The following KDM4C variants were observed in gnomAD, a reference collection of about 807,000 sequenced individuals.
The protein encoded by KDM4C is lysine-specific demethylase 4C.
Under a neutral mutation model 129.3 loss-of-function variants are expected in KDM4C, and 81 were observed. The observed-to-expected ratio is 0.63, with a 90% CI of 0.52 to 0.75. The LOEUF (loss-of-function observed/expected upper bound fraction) is 0.75, where lower values mean the gene tolerates loss of function less well. Among genes scored for constraint, KDM4C ranks in the 30% least tolerant of loss-of-function variants. KDM4C has a pLI of 0.00. For synonymous variants in KDM4C, 573 were observed against 456.1 expected, an observed-to-expected ratio of 1.26 and a Z score of -3.26; for missense variants, 1,457 against 1,304.0, an observed-to-expected ratio of 1.12 and a Z score of -1.81.
At chr9:6,873,694 C>A (rs921423966) in intron 5 of KDM4C, among the ~76,000 whole-genome samples, 1 of 152,198 alleles carries the variant, frequency 6.6e-6, no homozygotes, top group Non-Finnish European at 1.5e-5. Context: ...TGCCAACATT[C>A]TCCATATCAG....
intron 5 of KDM4C, among the ~76,000 whole-genome samples, chr9:6,869,801 G>A (rs1413140701): frequency 3.9e-5 from 6 of 152,228 alleles, no homozygotes; most frequent in African/African-American, 1.2e-4. Context: ...CAGCCTGCCT[G>A]CAGCATCCCC....
intron 8 of KDM4C, among the ~76,000 whole-genome samples, chr9:6,930,133 TC>T (rs1823396594): frequency 3.3e-5 from 5 of 152,204 alleles, no homozygotes; most frequent in Admixed American, 3.3e-4. Context: ...CGCCTAAGAT[TC>T]CCTGCAGAAA....
At chr9:6,949,400 G>A (rs943836540) in intron 8 of KDM4C, among the ~76,000 whole-genome samples, 2 of 152,136 alleles carry the variant, frequency 1.3e-5, no homozygotes, top group Admixed American at 1.3e-4. Context: ...CAGACGATGA[G>A]TGGCCAGGCA....
chr9:6,783,556 A>G (rs1490473828), intron 1 of KDM4C, among the ~76,000 whole-genome samples: 1 of 152,096 alleles, frequency 6.6e-6, no homozygotes, highest in East Asian at 1.9e-4. Context: ...GTTTGGTGGA[A>G]AGGGAAGATA....
chr9:6,887,948 G>A lies in KDM4C; in HGVS notation c.680-12G>A. ...CGACACAGTGCCACTTACATTTATT[G>A]TTTCTTTTTAGGTTTTTTCCCAAGC... On this transcript the variant is annotated splice_polypyrimidine_tract_variant and intron_variant, in intron 6 of 21. Coordinates refer to ENST00000381309, the MANE Select transcript of KDM4C (RefSeq NM_015061.6). The A allele has an allele frequency of 6.5e-7, 1 of 1,526,954 alleles. No homozygotes were observed. Among genetic ancestry groups the A allele is most frequent in the Non-Finnish European group, 9.1e-7 (1 of 1,101,126 alleles). 94.6% of individuals were successfully genotyped at this position (1,526,954 alleles called of 1,614,324 possible). A position where few individuals can be genotyped will look rare whatever the true frequency, so the allele number is the denominator to read the frequency against.
chr9:6,989,940 AT>A (rs5896173), intron 11 of KDM4C, among the ~76,000 whole-genome samples: 122,309 of 148,326 alleles, frequency 0.82, 50,952 homozygotes, highest in Non-Finnish European at 0.88. Flanking sequence ...ATACCTGGCT[AT>A]TTTTTTTTTT....
intron 8 of KDM4C, among the ~76,000 whole-genome samples, chr9:6,951,009 ATTCT>A (rs1206894735): frequency 5.3e-5 from 8 of 152,108 alleles, no homozygotes; most frequent in Admixed American, 3.9e-4. Context: ...TCATTTATTC[ATTCT>A]TTAACATTTT....
chr9:6,779,032 C>CTTTCTTTTTTTT (rs1823720390), intron 1 of KDM4C, among the ~76,000 whole-genome samples: 1 of 94,628 alleles, frequency 1.1e-5, no homozygotes, highest in Non-Finnish European at 1.9e-5. Context: ...TGATTAAAGT[C>CTTTCTTTTTTTT]TTTTTTTTTT....
chr9:6,807,435 A>T (rs1456366366), intron 3 of KDM4C, among the ~76,000 whole-genome samples: 1 of 143,304 alleles, frequency 7.0e-6, no homozygotes, highest in Admixed American at 6.9e-5. Flanking sequence ...CTAGGAAGTG[A>T]GGAGCGCCTC....
intron 15 of KDM4C, among the ~76,000 whole-genome samples, chr9:7,045,186 C>T (rs1238152952): frequency 6.6e-6 from 1 of 151,946 alleles, no homozygotes. Flanking sequence ...TGATCCTAAT[C>T]AGGTGCTTTT....
chr9:6,793,202 G>T (rs534026022), intron 2 of KDM4C, 70 bp downstream of exon 2: 1 of 1,514,678 alleles, frequency 6.6e-7, no homozygotes, highest in Non-Finnish European at 9.0e-7. Flanking sequence ...TAGTTTTCAC[G>T]ATTTGGGACA....
At chr9:6,775,893 A>G (rs1822923327) in intron 1 of KDM4C, among the ~76,000 whole-genome samples, 1 of 152,176 alleles carries the variant, frequency 6.6e-6, no homozygotes, top group Middle Eastern at 3.4e-3. Context: ...GGACTTTTTT[A>G]TGTTTAACAG....
At chr9:6,932,094 C>T (rs1242012646) in intron 8 of KDM4C, among the ~76,000 whole-genome samples, 2 of 152,056 alleles carry the variant, frequency 1.3e-5, no homozygotes, top group African/African-American at 2.4e-5. Flanking sequence ...CTATGAGAGG[C>T]CTTGGTGTTT....
intron 18 of KDM4C, among the ~76,000 whole-genome samples, chr9:7,112,275 A>G (rs1247191247): frequency 6.6e-6 from 1 of 152,058 alleles, no homozygotes; most frequent in East Asian, 1.9e-4. Flanking sequence ...TTTATTCTAC[A>G]GTGGATGGTC....
At chr9:6,730,239 G>T (rs1346042481) in intron 1 of KDM4C, among the ~76,000 whole-genome samples, 14 of 152,298 alleles carry the variant, frequency 9.2e-5, no homozygotes. Flanking sequence ...CTAATTTCCT[G>T]GACCTGATTC....
chr9:6,958,379 G>A lies in KDM4C; in HGVS notation c.922-22546G>A, dbSNP rs921628794. On this transcript the variant is annotated intron_variant, in intron 8 of 21. Coordinates refer to ENST00000381309, the MANE Select transcript of KDM4C (RefSeq NM_015061.6). ...ATGAGTGGATTATCTGAGACCAGAA[G>A]TTCGAGACCAGCCTGACCAACATGG... 3.3e-5 allele frequency among the ~76,000 whole-genome samples: 5 copies of A among 152,192 alleles called. No individual in the cohort carries two copies. The East Asian group carries it at 7.7e-4, about 24-fold the overall frequency.
chr9:6,944,733 T>C (rs1165552377), intron 8 of KDM4C, among the ~76,000 whole-genome samples: 4 of 141,706 alleles, frequency 2.8e-5, no homozygotes, highest in African/African-American at 1.1e-4. Flanking sequence ...TAGGAAGAGC[T>C]TGTTAGTAGA....
chr9:6,771,136 C>T (rs1821756882), intron 1 of KDM4C, among the ~76,000 whole-genome samples: 1 of 132,530 alleles, frequency 7.5e-6, no homozygotes, highest in Non-Finnish European at 1.5e-5. Flanking sequence ...CCAAGTTGCC[C>T]AGGCTGGTCT....
chr9:7,056,062 CAG>C (rs1249311601), intron 17 of KDM4C, among the ~76,000 whole-genome samples: 1 of 152,132 alleles, frequency 6.6e-6, no homozygotes, highest in Non-Finnish European at 1.5e-5. Context: ...TTTTTAAAGA[CAG>C]AGAAGTTCTA....
Sources: gnomAD v4.1 joint callset for allele counts (sites outside exome capture counted in the v4.1 genomes callset) on GRCh38, gnomAD v4.1.1 for gene constraint, MANE v1.5 for transcripts, NCBI Gene and HGNC (gene_info 2026-07-23, HGNC 2026-07-21) for gene names.